The following FAM184B variants were observed in gnomAD, a reference collection of about 807,000 sequenced individuals.
FAM184B encodes family with sequence similarity 184 member B, also known as protein FAM184B.
Under a neutral mutation model 135.9 loss-of-function variants are expected in FAM184B, and 111 were observed. The ratio of observed to expected loss-of-function variants is 0.82; its 90% CI spans 0.70 to 0.96. The LOEUF is 0.96. FAM184B is among the 40% of genes least tolerant of loss of function. The pLI is 0.00. For missense variants in FAM184B, 1,375 were observed against 1,323.9 expected (o/e 1.04, Z -0.60); for synonymous variants, 552 against 524.8 (o/e 1.05, Z -0.71).
At chr4:17,683,318 C>A (rs2108953814) in intron 7 of FAM184B, among the ~76,000 whole-genome samples, 1 of 152,322 alleles carries the variant, frequency 6.6e-6, no homozygotes, top group Admixed American at 6.5e-5. Flanking sequence ...CTGCACCCGG[C>A]AAATTCCACG....
At chr4:17,749,019 A>G (rs1718238368) in intron 1 of FAM184B, among the ~76,000 whole-genome samples, 1 of 141,428 alleles carries the variant, frequency 7.1e-6, no homozygotes, top group Non-Finnish European at 1.5e-5. Context: ...TTTTTTTAAG[A>G]GACAGGGGCT....
At chr4:17,672,737 CA>C (rs1039022436) in intron 7 of FAM184B, among the ~76,000 whole-genome samples, 1 of 152,178 alleles carries the variant, frequency 6.6e-6, no homozygotes, top group African/African-American at 2.4e-5. Context: ...CCCACTTGAT[CA>C]TGGCGAATCA....
In FAM184B at chr4:17,697,420, T is replaced by A. The variant is rs1716889453; in HGVS notation, c.1378-4008A>T. ...CTTAAAAGAGAAGAAAAAAAAACCC[T>A]GGATATTTAGCATGTGTATAGTCTC... is the stretch of plus-strand genomic sequence containing the variant. On this transcript the variant is annotated intron_variant, in intron 5 of 17. Transcript: ENST00000265018. Among the ~76,000 whole-genome samples the A allele has an allele frequency of 4.0e-5, 6 of 151,442 alleles. No individual in the cohort carries two copies. The South Asian group carries it at 1.3e-3, about 32-fold the overall frequency.
intron 1 of FAM184B, among the ~76,000 whole-genome samples, chr4:17,748,676 C>A (rs1394766063): frequency 2.0e-5 from 3 of 151,800 alleles, no homozygotes; most frequent in African/African-American, 4.8e-5. Context: ...ACCACCACAC[C>A]CAGATAATTC....
intron 1 of FAM184B, among the ~76,000 whole-genome samples, chr4:17,737,806 T>C (rs1473939732): frequency 6.6e-6 from 1 of 152,150 alleles, no homozygotes; most frequent in East Asian, 1.9e-4. Context: ...CTGATCTGGC[T>C]CACATTCAGA....
At chr4:17,710,081 T>G (rs1381445030) in intron 1 of FAM184B, among the ~76,000 whole-genome samples, 1 of 152,034 alleles carries the variant, frequency 6.6e-6, no homozygotes, top group African/African-American at 2.4e-5. Flanking sequence ...ATCCCAGCAC[T>G]TTGAGAGGCA....
intron 1 of FAM184B, among the ~76,000 whole-genome samples, chr4:17,718,658 A>G (rs1202399259): frequency 6.6e-6 from 1 of 152,178 alleles, no homozygotes; most frequent in East Asian, 1.9e-4. Context: ...TGATATGTTT[A>G]TGTGCTTTGG....
At chr4:17,709,674 G>A (rs1163928919) in intron 1 of FAM184B, 30 bp from the exon 2 acceptor site, 3 of 1,464,704 alleles carry the variant, frequency 2.0e-6, no homozygotes, top group Admixed American at 2.6e-5. Flanking sequence ...GCCCAGTTAG[G>A]GTGAGGGGGC....
At chr4:17,643,859 A>G (rs1715393182) in intron 12 of FAM184B, among the ~76,000 whole-genome samples, 2 of 152,176 alleles carry the variant, frequency 1.3e-5, no homozygotes, top group Non-Finnish European at 2.9e-5. Flanking sequence ...TGAGGCAGGC[A>G]GACAGGTTAT....
At chr4:17,780,889 C>T (rs1280293353) in intron 1 of FAM184B, among the ~76,000 whole-genome samples, 3 of 152,214 alleles carry the variant, frequency 2.0e-5, no homozygotes, top group Non-Finnish European at 4.4e-5. Context: ...ACACGATTCA[C>T]ATTCCCACCT....
chr4:17,772,327 C>A (rs890709499), intron 1 of FAM184B, among the ~76,000 whole-genome samples: 24 of 152,224 alleles, frequency 1.6e-4, no homozygotes, highest in African/African-American at 5.8e-4. Flanking sequence ...CCCCCACCCC[C>A]AAAACAGAGA....
In FAM184B at chr4:17,639,267, C is replaced by G; in HGVS notation, c.2649G>C (p.Leu883=). 2 of 1,551,728 alleles carry G rather than the reference C, an allele frequency of 1.3e-6. No homozygotes were observed. Among genetic ancestry groups the G allele is most frequent in the South Asian group, 1.2e-5 (1 of 84,064 alleles). The change falls in exon 14 of 18, where the codon CTG becomes CTC. Residue 883 remains leucine (L), a synonymous_variant. Coordinates refer to ENST00000265018, the MANE Select transcript of FAM184B (RefSeq NM_015688.2). ...SSAQAQLQAR[L]AALEAELKDS... The stretch of plus-strand genomic sequence containing the variant: ...TCACTTACTCGGCTTCCAGGGCAGC[C>G]AGCCGGGCCTGGAGCTGGGCCTGGG...
At position 17,638,646 on chromosome 4, in the gene FAM184B, T is replaced by C. The variant is rs934162412; in HGVS notation, c.2666+604A>G. 4.6e-5 allele frequency among the ~76,000 whole-genome samples: 7 copies of C among 152,182 alleles called. 1 individual carries two copies. Among genetic ancestry groups the C allele is most frequent in the Admixed American group, 1.3e-4 (2 of 15,270 alleles). On this transcript the variant is annotated intron_variant, in intron 14 of 17. Coordinates refer to ENST00000265018, the MANE Select transcript of FAM184B (RefSeq NM_015688.2). ...CCTTAACAATTATTTGTTGAATGAATAAATGCAATATGTTTGCATGAGGGA... is the reference window on the plus strand; with the variant it reads ...CCTTAACAATTATTTGTTGAATGAACAAATGCAATATGTTTGCATGAGGGA...
At chr4:17,717,679 T>C (rs1459144665) in intron 1 of FAM184B, among the ~76,000 whole-genome samples, 1 of 152,106 alleles carries the variant, frequency 6.6e-6, no homozygotes, top group African/African-American at 2.4e-5. Flanking sequence ...GTTAGGGTCG[T>C]AGAGATTGAG....
chr4:17,653,139 TG>T (rs1715673948), intron 10 of FAM184B, among the ~76,000 whole-genome samples, 156 bp from the exon 11 acceptor site: 2 of 150,292 alleles, frequency 1.3e-5, no homozygotes, highest in East Asian at 3.9e-4. Context: ...AGCAATGGCC[TG>T]GCCACAGCAG....
At chr4:17,691,444 G>A (rs1351148006) in intron 6 of FAM184B, among the ~76,000 whole-genome samples, 1 of 152,162 alleles carries the variant, frequency 6.6e-6, no homozygotes, top group Admixed American at 6.5e-5. Flanking sequence ...CCAGCACTTC[G>A]GGAGGCAGAG....
rs73093752 is a variant in FAM184B, at chr4:17,688,248, T to G, written c.1596+176A>C. On this transcript the variant is annotated intron_variant, in intron 7 of 17. Transcript: ENST00000265018. ...ATAATTAGTCAGACTTCTATTTCCT[T>G]CGTGGTTTCTGTGAATGGATTTTGT... Among the ~76,000 whole-genome samples the G allele has an allele frequency of 6.8e-3, 1,014 of 148,700 alleles. 8 individuals carry two copies. Among genetic ancestry groups the G allele is most frequent in the African/African-American group, 0.024 (964 of 40,482 alleles).
At chr4:17,644,761 G>A (rs1715416418) in intron 12 of FAM184B, among the ~76,000 whole-genome samples, 1 of 151,958 alleles carries the variant, frequency 6.6e-6, no homozygotes, top group Admixed American at 6.6e-5. Flanking sequence ...GAGAAAGAAG[G>A]GGTATTCAAT....
intron 1 of FAM184B, among the ~76,000 whole-genome samples, chr4:17,740,268 C>T (rs896120659): frequency 2.1e-5 from 3 of 142,226 alleles, no homozygotes; most frequent in African/African-American, 7.8e-5. Flanking sequence ...ACAAGAATTG[C>T]TTGAACTGGG....
Sources: allele counts gnomAD v4.1 joint callset (sites outside exome capture counted in the v4.1 genomes callset), GRCh38; gene constraint gnomAD v4.1.1; transcripts MANE v1.5; gene names NCBI Gene and HGNC (gene_info 2026-07-23, HGNC 2026-07-21).